The following SPG7 variants were observed in gnomAD, a reference collection of about 807,000 sequenced individuals.
SPG7 encodes the protein mitochondrial inner membrane m-AAA protease component paraplegin.
A neutral mutation model predicts 81.9 loss-of-function variants in SPG7; 103 were observed. The ratio of observed to expected loss-of-function variants is 1.26; its 90% CI spans 1.07 to 1.48. The LOEUF (loss-of-function observed/expected upper bound fraction) is 1.48, where lower values mean the gene tolerates loss of function less well. Among genes scored for constraint, SPG7 ranks in the 40% most tolerant of loss-of-function variants. The pLI, the probability that SPG7 is intolerant of heterozygous loss-of-function variation, is 0.00. For missense variants in SPG7, 1,241 were observed against 1,087.3 expected, an observed-to-expected ratio of 1.14 and a Z score of -1.99; for synonymous variants, 534 against 444.2, an observed-to-expected ratio of 1.20 and a Z score of -2.54.
chr16:89,524,394 T>C, intron 4 of SPG7, 147 bp downstream of exon 4: 1 of 927,456 alleles, frequency 1.1e-6, no homozygotes, highest in Non-Finnish European at 1.6e-6. Context: ...GGCATGCTTC[T>C]TTCTCATGCA....
chr16:89,516,587 G>A (rs532989229), intron 3 of SPG7, among the ~76,000 whole-genome samples: 5 of 152,000 alleles, frequency 3.3e-5, no homozygotes, highest in African/African-American at 9.6e-5. Flanking sequence ...AAGGCCGGGC[G>A]TGGTGGCTCA....
intron 5 of SPG7, chr16:89,526,687 C>T: frequency 1.9e-6 from 1 of 514,006 alleles, no homozygotes; most frequent in Non-Finnish European, 3.6e-6. Flanking sequence ...CTCGGACTTC[C>T]CAAGGATACC....
At position 89,537,388 on chromosome 16, in the gene SPG7, G is replaced by A. The variant is rs185456663; in HGVS notation, c.1324+4752G>A. 39 of 1,100,872 alleles carry A rather than the reference G, an allele frequency of 3.5e-5. No homozygotes were observed. In the East Asian group the frequency reaches 1.4e-3, roughly 40 times the overall value. The allele number at this position is 1,100,872 out of a possible 1,614,324, so 68.2% of individuals were successfully genotyped here. A position where few individuals can be genotyped will look rare whatever the true frequency, so the allele number is the denominator to read the frequency against. On this transcript the variant is annotated intron_variant, in intron 9 of 16. Coordinates refer to ENST00000645818, the MANE Select transcript of SPG7 (RefSeq NM_003119.4). ...GAAAGCGTTGATGGGGAGCGTCGGC[G>A]CTGACCACACGCGGGAGCTGCGGAA...
chr16:89,536,614 GAGGCGGGT>G, intron 9 of SPG7: 1 of 852,586 alleles, frequency 1.2e-6, no homozygotes, highest in South Asian at 1.5e-5. Context: ...TGAGGTGGGT[GAGGCGGGT>G]GAGGGCGGGT....
intron 16 of SPG7, 171 bp downstream of exon 16, chr16:89,554,734 A>G (rs775891825): frequency 1.6e-6 from 1 of 626,926 alleles, no homozygotes; most frequent in East Asian, 2.8e-5. Flanking sequence ...CATACTTTTT[A>G]TCCTGAACTC....
chr16:89,513,147 G>T (rs2058044959), intron 3 of SPG7, 110 bp downstream of exon 3: 2 of 1,474,484 alleles, frequency 1.4e-6, no homozygotes, highest in Admixed American at 2.0e-5. Context: ...GATGGGCCGG[G>T]TGCAGTGGCT....
chr16:89,535,058 A>G (rs1221667853), intron 9 of SPG7, among the ~76,000 whole-genome samples: 4 of 152,296 alleles, frequency 2.6e-5, no homozygotes, highest in African/African-American at 9.6e-5. Flanking sequence ...TGACTGTGAC[A>G]CTGTACAGGC....
chr16:89,517,863 C>G (rs900162066), intron 3 of SPG7: 39 of 152,200 alleles, frequency 2.6e-4, no homozygotes, highest in African/African-American at 8.9e-4. Context: ...TTGTGGTCTG[C>G]CCACCTCGGC....
chr16:89,531,972 C>G lies in SPG7; in HGVS notation c.1056C>G (p.Gly352=). The G allele has an allele frequency of 6.2e-7, 1 of 1,613,952 alleles. No homozygotes were observed. Among genetic ancestry groups the G allele is most frequent in the Non-Finnish European group, 8.5e-7 (1 of 1,179,860 alleles). Residue 352 remains glycine, a synonymous_variant, in exon 8 of 17, where the codon GGC becomes GGG. Coordinates refer to ENST00000645818, the MANE Select transcript of SPG7 (RefSeq NM_003119.4). ...GCGCACTGCTGCTCGGCCCCCCCGG[C>G]TGTGGGAAGACGCTGCTGGCCAAGG... ...PKGALLLGPP[G]CGKTLLAKAV...
chr16:89,519,370 G>A (rs1269908345), intron 3 of SPG7: 1 of 151,840 alleles, frequency 6.6e-6, no homozygotes, highest in Admixed American at 6.6e-5. Context: ...AAAAAAAGCA[G>A]TTGCTAACAT....
At chr16:89,541,441 C>A in intron 9 of SPG7, 1 of 642,566 alleles carries the variant, frequency 1.6e-6, no homozygotes, top group Non-Finnish European at 1.9e-6. Context: ...TACTGGTTGT[C>A]AGCAGTTAGG....
intron 9 of SPG7, chr16:89,536,883 G>T (rs200735282): frequency 1.2e-6 from 2 of 1,614,176 alleles, no homozygotes; most frequent in Non-Finnish European, 1.7e-6. Context: ...AGGGTCATTC[G>T]CTCTGCTGGG....
chr16:89,557,586 T>A lies in SPG7; in HGVS notation c.*493T>A, dbSNP rs1208601484. ...CCAGCTCACTCATCAATGGGGCCAG[T>A]CAGGCCCAGGCACTGGGCTCCGGAG... is the stretch of plus-strand genomic sequence containing the variant. On this transcript the variant is annotated 3_prime_UTR_variant, in exon 17 of 17. Transcript: ENST00000645818. 7 of 179,584 alleles carry A rather than the reference T, an allele frequency of 3.9e-5. No homozygotes were observed. Among genetic ancestry groups the A allele is most frequent in the African/African-American group, 1.3e-4 (5 of 39,692 alleles). 11.1% of individuals were successfully genotyped at this position (179,584 alleles called of 1,614,324 possible). A position where few individuals can be genotyped will look rare whatever the true frequency, so the allele number is the denominator to read the frequency against.
In SPG7 at chr16:89,532,027, C is replaced by G; in HGVS notation, c.1111C>G (p.Leu371Val). Residue 371 changes from leucine (L) to valine (V), a missense_variant, in exon 8 of 17, where the codon CTG (leucine) becomes GTG (valine). Transcript: ENST00000645818. ...GGCCACGGAGGCTCAGGTGCCCTTC[C>G]TGGCGATGGCCGGCCCAGAGTTCGT... The part of the protein sequence containing the change: ...AVATEAQVPF[L>V]AMAGPEFVEV... 1 of 1,613,576 alleles carries G rather than the reference C, an allele frequency of 6.2e-7. No homozygotes were observed.
rs1475166460 is a variant in SPG7, at chr16:89,547,205, A to G, written c.1552+445A>G. The G allele has an allele frequency of 1.9e-5, 4 of 210,376 alleles. No individual in the cohort carries two copies. In the South Asian group the frequency reaches 2.2e-4, roughly 12 times the overall value. 13.0% of individuals were successfully genotyped at this position (210,376 alleles called of 1,614,324 possible). ...GGTTCACATTTTAAAAGTTAATGTC[A>G]ACAAACCTCCCTTTTATTATGAGAT... On this transcript the variant is annotated intron_variant, in intron 11 of 16. Coordinates refer to ENST00000645818, the MANE Select transcript of SPG7 (RefSeq NM_003119.4).
chr16:89,546,434 T>C (rs912097090), intron 10 of SPG7: 5 of 508,246 alleles, frequency 9.8e-6, no homozygotes, highest in African/African-American at 9.6e-5. Context: ...CCCCAGCACT[T>C]TGGGAGGCCG....
rs988086827 is a variant in SPG7, at chr16:89,529,093, T to G, written c.759-384T>G. 20 of 339,888 alleles carry G rather than the reference T, an allele frequency of 5.9e-5. No homozygotes were observed. The Admixed American group carries it at 8.3e-4, about 14-fold the overall frequency. The allele number at this position is 339,888 out of a possible 1,614,324, so 21.1% of individuals were successfully genotyped here. The stretch of plus-strand genomic sequence containing the variant: ...TCCCAAAGTGCTAGGATTACAGGCG[T>G]GAGCCACCGCGCCCGGCCTGAGATT... On this transcript the variant is annotated intron_variant, in intron 5 of 16. Transcript: ENST00000645818.
intron 5 of SPG7, among the ~76,000 whole-genome samples, chr16:89,527,873 A>G (rs1162905578): frequency 1.3e-5 from 2 of 151,326 alleles, no homozygotes; most frequent in Admixed American, 1.3e-4. Context: ...GGCAGGGAGG[A>G]TCTCTTGAGC....
intron 12 of SPG7, chr16:89,550,258 C>A (rs771435611): frequency 1.1e-4 from 53 of 469,852 alleles, no homozygotes; most frequent in Non-Finnish European, 2.0e-4. Context: ...CTGTAACCTC[C>A]GTCTCTCAGG....
Sources: allele counts gnomAD v4.1 joint callset (sites outside exome capture counted in the v4.1 genomes callset), GRCh38; gene constraint gnomAD v4.1.1; transcripts MANE v1.5; gene names NCBI Gene and HGNC (gene_info 2026-07-23, HGNC 2026-07-21).